The following PRELID2 variants were observed in gnomAD, a reference collection of about 807,000 sequenced individuals.
The protein encoded by PRELID2 is PRELI domain containing 2.
Under a neutral mutation model 28.4 loss-of-function variants are expected in PRELID2, and 25 were observed. The ratio of observed to expected loss-of-function variants is 0.88; its 90% CI spans 0.64 to 1.23. The LOEUF (loss-of-function observed/expected upper bound fraction) is 1.23. PRELID2 is among the 50% of genes most tolerant of loss of function. The probability of loss-of-function intolerance (pLI) is 0.00; values close to 1 mark genes in which losing one functional copy is unlikely to be tolerated. For missense variants in PRELID2, 201 were observed against 214.4 expected (o/e 0.94, Z 0.39); for synonymous variants, 76 against 71.6 (o/e 1.06, Z -0.31).
the PRELID2 span, among the ~76,000 whole-genome samples, chr5:145,328,808 T>C: frequency 6.6e-6 from 1 of 152,204 alleles, no homozygotes; most frequent in African/African-American, 2.4e-5. Context: ...TTTTAGCTTT[T>C]GTTGCCATTG....
At chr5:145,411,332 G>A in the PRELID2 span, among the ~76,000 whole-genome samples, 3 of 152,128 alleles carry the variant, frequency 2.0e-5, no homozygotes, top group African/African-American at 7.2e-5. Flanking sequence ...GGAAAGACAT[G>A]CCCCCATGAT....
At chr5:145,592,067 A>G (rs1403432688) in intron 1 of PRELID2, among the ~76,000 whole-genome samples, 2 of 152,196 alleles carry the variant, frequency 1.3e-5, no homozygotes, top group African/African-American at 4.8e-5. Flanking sequence ...ACTTAAATGC[A>G]GCATGAGTTG....
At chr5:145,561,510 G>A (rs564437695) in intron 1 of PRELID2, among the ~76,000 whole-genome samples, 2 of 152,242 alleles carry the variant, frequency 1.3e-5, no homozygotes, top group South Asian at 4.1e-4. Context: ...CCTTAAGTGA[G>A]TTTTGACTTC....
At chr5:145,524,840 T>G (rs1306132993) in intron 1 of PRELID2, among the ~76,000 whole-genome samples, 1 of 152,178 alleles carries the variant, frequency 6.6e-6, no homozygotes, top group Non-Finnish European at 1.5e-5. Context: ...AGCCTCAGTT[T>G]CCTCCTCTAC....
intron 1 of PRELID2, among the ~76,000 whole-genome samples, chr5:145,587,443 GCATCTTCAGTTAA>G (rs1328888098): frequency 6.6e-6 from 1 of 152,058 alleles, no homozygotes; most frequent in Non-Finnish European, 1.5e-5. Flanking sequence ...TCCTCTTCAT[GCATCTTCAGTTAA>G]CATCTGCTGA....
At chr5:145,278,036 G>A in the PRELID2 span, among the ~76,000 whole-genome samples, 8 of 152,084 alleles carry the variant, frequency 5.3e-5, no homozygotes, top group African/African-American at 1.7e-4. Flanking sequence ...TCTTTGAGAC[G>A]CTCCAGAACC....
At chr5:145,577,570 A>G (rs1007431898) in intron 1 of PRELID2, among the ~76,000 whole-genome samples, 27 of 152,098 alleles carry the variant, frequency 1.8e-4, no homozygotes, top group Non-Finnish European at 4.0e-4. Flanking sequence ...AAAGAAAAAG[A>G]ATGAAAAGGA....
chr5:145,609,899 T>C (rs1261959753), intron 1 of PRELID2, among the ~76,000 whole-genome samples: 1 of 152,212 alleles, frequency 6.6e-6, no homozygotes, highest in Non-Finnish European at 1.5e-5. Context: ...GTCTGGAAGC[T>C]GGTACTGGGC....
the PRELID2 span, among the ~76,000 whole-genome samples, chr5:145,284,021 T>C: frequency 6.6e-6 from 1 of 152,196 alleles, no homozygotes; most frequent in Non-Finnish European, 1.5e-5. Context: ...CAAAGAGATC[T>C]TGGTTTAAAA....
chr5:145,364,057 A>T, the PRELID2 span, among the ~76,000 whole-genome samples: 1 of 152,040 alleles, frequency 6.6e-6, no homozygotes, highest in Non-Finnish European at 1.5e-5. Context: ...ACTTTGAAAC[A>T]GATACCCAAT....
In PRELID2 at chr5:145,801,827, T is replaced by A. The variant is rs116215244; in HGVS notation, c.369-5280A>T. Among the ~76,000 whole-genome samples the A allele has an allele frequency of 5.1e-3, 774 of 152,284 alleles. 13 individuals are homozygous for A. Among genetic ancestry groups the A allele is most frequent in the African/African-American group, 0.018 (728 of 41,562 alleles). ...CCCCTCTCTAGAATCAATCTAAACA[T>A]CCAGTAAGTCACCTGATTGTGCTTA... On this transcript the variant is annotated intron_variant, in intron 4 of 6. Transcript: ENST00000683046.
intron 1 of PRELID2, among the ~76,000 whole-genome samples, chr5:145,638,100 C>T (rs540631719): frequency 3.3e-5 from 5 of 152,262 alleles, no homozygotes; most frequent in South Asian, 2.1e-4. Context: ...CCTGAGCCAC[C>T]GCTCCCAGCC....
intron 1 of PRELID2, among the ~76,000 whole-genome samples, chr5:145,732,921 C>G (rs908032374): frequency 1.3e-5 from 2 of 151,660 alleles, no homozygotes; most frequent in Non-Finnish European, 2.9e-5. Context: ...AGAATAATAA[C>G]TCAACTCTTC....
chr5:145,392,425 C>G, the PRELID2 span, among the ~76,000 whole-genome samples: 14 of 152,072 alleles, frequency 9.2e-5, no homozygotes, highest in Non-Finnish European at 2.9e-5. Flanking sequence ...TCAATTATCT[C>G]CCACCGGGTC....
At chr5:145,254,388 G>A in the PRELID2 span, among the ~76,000 whole-genome samples, 1 of 152,110 alleles carries the variant, frequency 6.6e-6, no homozygotes, top group Non-Finnish European at 1.5e-5. Flanking sequence ...AGCTGCCAGT[G>A]ATGATTATTT....
chr5:145,787,484 T>C (rs1268955044), intron 5 of PRELID2, among the ~76,000 whole-genome samples: 3 of 152,028 alleles, frequency 2.0e-5, no homozygotes, highest in African/African-American at 4.8e-5. Context: ...GCTCCCTAAA[T>C]AGTATGCCCA....
Position 145,716,784 on chromosome 5 carries a change from T to C in PRELID2, n.70+48147A>G, listed in dbSNP as rs920467420. Among the ~76,000 whole-genome samples the C allele has an allele frequency of 2.6e-5, 4 of 152,344 alleles. No homozygotes were observed. The South Asian group carries it at 6.2e-4, about 24-fold the overall frequency. On this transcript the variant is annotated intron_variant and non_coding_transcript_variant, in intron 1 of 2. Coordinates refer to the PRELID2 transcript ENST00000510259. ...CAGCTAGCATTTATTGAGAGTTTGC[T>C]ATGTGCCTGGCATTGCTCTCAACAC...
chr5:145,593,091 G>C (rs1311291084), intron 1 of PRELID2, among the ~76,000 whole-genome samples: 1 of 152,146 alleles, frequency 6.6e-6, no homozygotes, highest in Non-Finnish European at 1.5e-5. Flanking sequence ...ATGGATGTAA[G>C]ATCAGTAAAG....
the PRELID2 span, among the ~76,000 whole-genome samples, chr5:145,325,921 G>A: frequency 6.6e-6 from 1 of 152,148 alleles, no homozygotes; most frequent in African/African-American, 2.4e-5. Context: ...TTCCACTCCT[G>A]TCATGACAGA....
Sources: allele counts gnomAD v4.1 joint callset (sites outside exome capture counted in the v4.1 genomes callset), GRCh38; gene constraint gnomAD v4.1.1; transcripts MANE v1.5; gene names NCBI Gene and HGNC (gene_info 2026-07-23, HGNC 2026-07-21).